The following ATP11B variants were observed in gnomAD, a reference collection of about 807,000 sequenced individuals.
The protein encoded by ATP11B is phospholipid-transporting ATPase IF.
A neutral mutation model predicts 157.8 loss-of-function variants in ATP11B; 81 were observed. That is an observed-to-expected ratio of 0.51 (90% CI 0.43 to 0.62). The LOEUF (loss-of-function observed/expected upper bound fraction) is 0.62. ATP11B is among the 20% of genes least tolerant of loss of function. The probability of loss-of-function intolerance (pLI) is 0.00; values close to 1 mark genes in which losing one functional copy is unlikely to be tolerated. For missense variants in ATP11B, 1,165 were observed against 1,402.2 expected, an observed-to-expected ratio of 0.83 and a Z score of 2.70; for synonymous variants, 451 against 469.4, an observed-to-expected ratio of 0.96 and a Z score of 0.51.
chr3:182,849,968 T>C (rs1384772048), intron 10 of ATP11B, among the ~76,000 whole-genome samples: 1 of 152,010 alleles, frequency 6.6e-6, no homozygotes, highest in Non-Finnish European at 1.5e-5. Context: ...ATGGTCAAAA[T>C]ACTAGAATCC....
chr3:182,796,017 AC>A (rs1715576440), intron 1 of ATP11B, among the ~76,000 whole-genome samples: 1 of 151,996 alleles, frequency 6.6e-6, no homozygotes, highest in South Asian at 2.1e-4. Context: ...CTAATGTCTC[AC>A]AAAAAAGTCC....
chr3:182,872,548 GA>G lies in ATP11B; in HGVS notation c.2048+12del. ...AGCAGTAGAAGACAGGTAAGTATCA[GA>G]TAATTAAAAAATATTACTTTTCTCT... is the stretch of plus-strand genomic sequence containing the variant. On this transcript the variant is annotated intron_variant, in intron 18 of 29. Transcript: ENST00000323116. 1 of 1,562,166 alleles carries G rather than the reference GA, an allele frequency of 6.4e-7. No homozygotes were observed. Among genetic ancestry groups the G allele is most frequent in the Non-Finnish European group, 8.6e-7 (1 of 1,157,314 alleles).
intron 19 of ATP11B, 28 bp from the exon 20 acceptor site, chr3:182,879,468 C>A: frequency 6.4e-7 from 1 of 1,560,630 alleles, no homozygotes; most frequent in Non-Finnish European, 8.7e-7. Context: ...AAGTATCTTA[C>A]AGAGAATATA....
intron 28 of ATP11B, among the ~76,000 whole-genome samples, chr3:182,911,807 C>T (rs548127092): frequency 2.0e-5 from 3 of 152,102 alleles, no homozygotes; most frequent in African/African-American, 4.8e-5. Context: ...TTAAGTGATA[C>T]AAATAAGCAG....
chr3:182,891,498 G>C (rs751590561), intron 25 of ATP11B, among the ~76,000 whole-genome samples: 54 of 151,784 alleles, frequency 3.6e-4, no homozygotes, highest in Non-Finnish European at 7.8e-4. Context: ...TAACATTGTA[G>C]CCTAAGTGAT....
At chr3:182,828,723 C>A (rs2108504659) in intron 3 of ATP11B, among the ~76,000 whole-genome samples, 1 of 148,834 alleles carries the variant, frequency 6.7e-6, no homozygotes. Context: ...TTGCTTAAGT[C>A]TGTGTTTATT....
Position 182,869,156 on chromosome 3 carries a change from C to T in ATP11B, c.1762+5C>T. 6.2e-7 allele frequency: 1 copy of T among 1,606,584 alleles called. No individual in the cohort carries two copies. Among genetic ancestry groups the T allele is most frequent in the Non-Finnish European group, 8.5e-7 (1 of 1,176,120 alleles). ...TAATTGTTCAGGCACCTTCAGGTAA[C>T]CAATCTAAACTTTCATGAATTTTTA... On this transcript the variant is annotated splice_donor_5th_base_variant and intron_variant, in intron 16 of 29. Coordinates refer to ENST00000323116, the MANE Select transcript of ATP11B (RefSeq NM_014616.3).
At chr3:182,799,281 CTT>C (rs11349038) in intron 1 of ATP11B, among the ~76,000 whole-genome samples, 2,131 of 147,212 alleles carry the variant, frequency 0.014, 45 homozygotes, top group African/African-American at 0.051. Context: ...TTCTTTCTTT[CTT>C]TTTTTTTTTT....
chr3:182,902,601 C>T (rs2108585043), intron 28 of ATP11B: 1 of 1,225,640 alleles, frequency 8.2e-7, no homozygotes, highest in African/African-American at 1.5e-5. Context: ...ATTAACTCTT[C>T]TGCATGCTAA....
intron 12 of ATP11B, among the ~76,000 whole-genome samples, chr3:182,862,127 A>G (rs955692005): frequency 6.6e-6 from 1 of 151,886 alleles, no homozygotes; most frequent in East Asian, 1.9e-4. Context: ...CTGGAATACA[A>G]AAATTAGCTG....
At chr3:182,888,699 T>TTTTATTTA (rs557212368) in intron 24 of ATP11B, among the ~76,000 whole-genome samples, 16 of 151,232 alleles carry the variant, frequency 1.1e-4, no homozygotes, top group African/African-American at 3.2e-4. Context: ...TTTTTAAACT[T>TTTTATTTA]TTTATTTATT....
At chr3:182,831,554 G>C (rs994319630) in intron 4 of ATP11B, among the ~76,000 whole-genome samples, 4 of 142,976 alleles carry the variant, frequency 2.8e-5, no homozygotes, top group African/African-American at 1.0e-4. Flanking sequence ...TCTAGACCCT[G>C]GTTCCTTCTT....
chr3:182,861,981 C>T (rs1168648258), intron 12 of ATP11B, among the ~76,000 whole-genome samples: 1 of 151,080 alleles, frequency 6.6e-6, no homozygotes, highest in African/African-American at 2.4e-5. Context: ...CTCAGTGGCT[C>T]ATGCCTGTAA....
chr3:182,898,796 CA>C, intron 28 of ATP11B, 24 bp downstream of exon 28: 1 of 1,417,672 alleles, frequency 7.1e-7, no homozygotes, highest in Non-Finnish European at 9.3e-7. Context: ...ATAATAAATT[CA>C]ATATCTTTTT....
rs1231725364 is a variant in ATP11B, at chr3:182,869,284, G to C, written c.1819G>C (p.Gly607Arg). 3 of 1,609,522 alleles carry C rather than the reference G, an allele frequency of 1.9e-6. No individual in the cohort carries two copies. Residue 607 changes from glycine to arginine, a missense_variant, in exon 17 of 30, where the codon GGT becomes CGT. Gly to Arg is a moderately radical substitution (Grantham distance 125, BLOSUM62 -2). Coordinates refer to ENST00000323116, the MANE Select transcript of ATP11B (RefSeq NM_014616.3). ...GTCATCAATTCTCCCTAAATGTATA[G>C]GTGGAGAAATAGAAAAAACCAGAAT... Reference protein sequence around the residue: ...AESSILPKCIGGEIEKTRIHV... With the variant: ...AESSILPKCIRGEIEKTRIHV...
chr3:182,902,752 T>C (rs1167289898), intron 28 of ATP11B, among the ~76,000 whole-genome samples: 2 of 151,722 alleles, frequency 1.3e-5, no homozygotes, highest in African/African-American at 2.4e-5. Flanking sequence ...CCATTTCTTC[T>C]TTGAGAAGAA....
chr3:182,911,047 ATGCTTATTT>A lies in ATP11B; in HGVS notation c.3319-2813_3319-2805del, dbSNP rs1399010401. 2.0e-5 allele frequency among the ~76,000 whole-genome samples: 3 copies of A among 152,188 alleles called. No homozygotes were observed. In the East Asian group the frequency reaches 5.8e-4, roughly 29 times the overall value. On this transcript the variant is annotated intron_variant, in intron 28 of 29. Coordinates refer to ENST00000323116, the MANE Select transcript of ATP11B (RefSeq NM_014616.3). ...AAGCTCTTATTCTCACAGATTAGAAATGCTTATTTCTTCATGGGCCAGTAATAGTGTTTA... is the reference window on the plus strand; with the variant it reads ...AAGCTCTTATTCTCACAGATTAGAAACTTCATGGGCCAGTAATAGTGTTTA...
chr3:182,818,497 G>C (rs149578092), intron 1 of ATP11B, among the ~76,000 whole-genome samples: 2 of 152,144 alleles, frequency 1.3e-5, no homozygotes, highest in African/African-American at 4.8e-5. Context: ...TGCAAAAGCA[G>C]GGTAGAAAAA....
At chr3:182,808,496 A>G (rs1478839969) in intron 1 of ATP11B, among the ~76,000 whole-genome samples, 1 of 152,156 alleles carries the variant, frequency 6.6e-6, no homozygotes, top group Admixed American at 6.5e-5. Context: ...GAAGTATCTT[A>G]GGAATGTATT....
Sources: gnomAD v4.1 joint callset for allele counts (sites outside exome capture counted in the v4.1 genomes callset) on GRCh38, gnomAD v4.1.1 for gene constraint, MANE v1.5 for transcripts, NCBI Gene and HGNC (gene_info 2026-07-23, HGNC 2026-07-21) for gene names.